Variants in KIAA0586 observed in about 807,000 individuals in gnomAD.
KIAA0586 encodes the protein KIAA0586.
KIAA0586 carries 144 observed loss-of-function variants against 169.8 expected under a neutral mutation model. The ratio of observed to expected loss-of-function variants is 0.85; its 90% CI spans 0.74 to 0.97. The LOEUF is 0.97. KIAA0586 is among the 50% of genes least tolerant of loss of function. The pLI is 0.00. For synonymous variants in KIAA0586, 625 were observed against 612.4 expected (o/e 1.02, Z -0.30); for missense variants, 1,854 against 1,823.0 (o/e 1.02, Z -0.31).
At chr14:58,442,588 A>G in intron 4 of KIAA0586, 118 bp from the exon 5 acceptor site, 1 of 683,890 alleles carries the variant, frequency 1.5e-6, no homozygotes, top group South Asian at 2.3e-5. Context: ...CTTGTTTGAT[A>G]GGTGATTTAA....
chr14:58,469,867 A>T (rs925422468), intron 16 of KIAA0586, among the ~76,000 whole-genome samples: 1 of 152,158 alleles, frequency 6.6e-6, no homozygotes, highest in Non-Finnish European at 1.5e-5. Flanking sequence ...AAAAACTATT[A>T]TTGCTGAAAC....
chr14:58,562,056 A>T, the KIAA0586 span, among the ~76,000 whole-genome samples: 1 of 152,208 alleles, frequency 6.6e-6, no homozygotes, highest in Admixed American at 6.5e-5. Context: ...AGCATAAATC[A>T]TGTAACCCAA....
intron 4 of KIAA0586, among the ~76,000 whole-genome samples, chr14:58,438,152 C>G (rs190203328): frequency 2.0e-5 from 3 of 152,038 alleles, no homozygotes; most frequent in Admixed American, 6.5e-5. Flanking sequence ...GAAAAACTGG[C>G]TAAAAAAGAA....
intron 26 of KIAA0586, among the ~76,000 whole-genome samples, chr14:58,495,097 C>T (rs2043074981): frequency 6.6e-6 from 1 of 152,048 alleles, no homozygotes; most frequent in Non-Finnish European, 1.5e-5. Flanking sequence ...TCTATGGGTT[C>T]TTTTTCACCT....
rs534184128 is a variant in KIAA0586, at chr14:58,427,735, A to G, written c.-530A>G. ...GCAACTGACGCTGTTGTCAGATTAC[A>G]CCCACGACGGTGCGGGTCTCGGGCG... is the stretch of plus-strand genomic sequence containing the variant. On this transcript the variant is annotated 5_prime_UTR_variant, in exon 1 of 31. Transcript: ENST00000652326. 6.1e-5 allele frequency: 93 copies of G among 1,533,794 alleles called. 2 individuals carry two copies. The African/African-American group carries it at 1.1e-3, about 17-fold the overall frequency.
chr14:58,503,869 A>G (rs937231449), intron 27 of KIAA0586, among the ~76,000 whole-genome samples: 1 of 152,074 alleles, frequency 6.6e-6, no homozygotes, highest in African/African-American at 2.4e-5. Context: ...TCAAAGAATT[A>G]GAGCTTAAGA....
chr14:58,497,218 C>T (rs1428211134), intron 26 of KIAA0586, among the ~76,000 whole-genome samples: 1 of 152,052 alleles, frequency 6.6e-6, no homozygotes, highest in African/African-American at 2.4e-5. Context: ...GGTGATCCAC[C>T]CACCTCGGCC....
chr14:58,484,654 T>C (rs532503593), intron 21 of KIAA0586, among the ~76,000 whole-genome samples: 6 of 151,254 alleles, frequency 4.0e-5, no homozygotes, highest in Admixed American at 3.3e-4. Flanking sequence ...ATAACACTTA[T>C]ATGCTATATG....
At chr14:58,556,826 A>C in the KIAA0586 span, among the ~76,000 whole-genome samples, 59 of 151,668 alleles carry the variant, frequency 3.9e-4, no homozygotes, top group African/African-American at 1.4e-3. Context: ...GCTCACTGCA[A>C]CCTCCACCTC....
chr14:58,450,875 C>G, intron 8 of KIAA0586, 129 bp downstream of exon 8: 1 of 572,278 alleles, frequency 1.7e-6, no homozygotes, highest in Non-Finnish European at 3.1e-6. Flanking sequence ...CTGGGAAAAT[C>G]AAGCTTCTTT....
At chr14:58,544,404 C>G (rs570238043) in intron 30 of KIAA0586, among the ~76,000 whole-genome samples, 1 of 152,090 alleles carries the variant, frequency 6.6e-6, no homozygotes, top group Non-Finnish European at 1.5e-5. Context: ...ATTGCTGGGT[C>G]GAATGGTAGT....
Position 58,457,998 on chromosome 14 carries a change from C to A in KIAA0586, c.1583+19C>A, listed in dbSNP as rs750975224. ...CCAACAGGTAAGAGGATGTTGGCAT[C>A]CAGGGTTATTTATGAGTCTGTCAGT... is the stretch of plus-strand genomic sequence containing the variant. On this transcript the variant is annotated intron_variant, in intron 11 of 30. Transcript: ENST00000652326. The A allele has an allele frequency of 2.7e-6, 4 of 1,496,196 alleles. No homozygotes were observed. Among genetic ancestry groups the A allele is most frequent in the Non-Finnish European group, 3.7e-6 (4 of 1,093,298 alleles). The allele number at this position is 1,496,196 out of a possible 1,614,324, so 92.7% of individuals were successfully genotyped here.
rs961208976 is a variant in KIAA0586, at chr14:58,444,926, A to G, written c.807+751A>G. 5.3e-5 allele frequency among the ~76,000 whole-genome samples: 8 copies of G among 150,174 alleles called. 1 individual carries two copies. The highest frequency in any genetic ancestry group is 2.1e-4 in the South Asian group (1 of 4,748). ...ACCTCATCTCTTAGGAAAAAAAAAA[A>G]AAAAAAAAAAAAAAAATTTAGCCTG... On this transcript the variant is annotated intron_variant, in intron 6 of 30. Transcript: ENST00000652326.
the KIAA0586 span, among the ~76,000 whole-genome samples, chr14:58,557,771 G>A: frequency 5.3e-5 from 8 of 152,076 alleles, no homozygotes; most frequent in Non-Finnish European, 1.5e-5. Context: ...GGCATAGTTA[G>A]GGATATACAA....
At chr14:58,484,902 A>ATTTATATATATTTTTATATATT (rs1269889812) in intron 21 of KIAA0586, among the ~76,000 whole-genome samples, 1 of 12,484 alleles carries the variant, frequency 8.0e-5, no homozygotes, top group Non-Finnish European at 1.4e-4. Context: ...ATATATATAT[A>ATTTATATATATTTTTATATATT]TATATATATA....
At chr14:58,476,740 T>C (rs1310226808) in intron 19 of KIAA0586, among the ~76,000 whole-genome samples, 1 of 147,760 alleles carries the variant, frequency 6.8e-6, no homozygotes, top group Non-Finnish European at 1.5e-5. Context: ...TGATCACAGC[T>C]CACTGCAGCC....
intron 14 of KIAA0586, among the ~76,000 whole-genome samples, chr14:58,461,520 G>A (rs1224561536): frequency 6.6e-6 from 1 of 151,556 alleles, no homozygotes; most frequent in African/African-American, 2.4e-5. Context: ...CTGCAGCCTC[G>A]ACCTACTGGG....
Position 58,450,673 on chromosome 14 carries a change from A to G in KIAA0586, c.1056A>G (p.Ser352=), listed in dbSNP as rs148006211. ...APRRFAPVPV[S]RDDELSKREN... ...GCAGATTTGCTCCTGTACCTGTTTC[A>G]AGGGATGATGAACTATCAAAGAGGG... is the stretch of plus-strand genomic sequence containing the variant. Residue 352 remains serine, a synonymous_variant, in exon 8 of 31, where the codon TCA becomes TCG. Coordinates refer to ENST00000652326, the MANE Select transcript of KIAA0586 (RefSeq NM_001329943.3). 8.8e-4 allele frequency: 1,414 copies of G among 1,609,474 alleles called. 5 individuals carry two copies. In the African/African-American group the frequency reaches 0.017, roughly 19 times the overall value.
At position 58,457,953 on chromosome 14, in the gene KIAA0586, G is replaced by T. The variant is rs527483829; in HGVS notation, c.1557G>T (p.Ser519=). Residue 519 remains serine, a synonymous_variant, in exon 11 of 31, where the codon TCG becomes TCT. Transcript: ENST00000652326. ...IRAKDGAAMY[S]LINALSTNRE... Reference sequence around the variant, plus strand: ...CAAAAGATGGAGCTGCCATGTATTCGCTTATCAATGCTTTATCTACCAACA... The same window carrying T: ...CAAAAGATGGAGCTGCCATGTATTCTCTTATCAATGCTTTATCTACCAACA... The T allele has an allele frequency of 6.3e-7, 1 of 1,593,894 alleles. No homozygotes were observed. The highest frequency in any genetic ancestry group is 2.3e-5 in the East Asian group (1 of 44,382).
Sources: allele counts gnomAD v4.1 joint callset (sites outside exome capture counted in the v4.1 genomes callset), GRCh38; gene constraint gnomAD v4.1.1; transcripts MANE v1.5; gene names NCBI Gene and HGNC (gene_info 2026-07-23, HGNC 2026-07-21).